The following RPE variants were observed in gnomAD, a reference collection of about 807,000 sequenced individuals.
The protein encoded by RPE is ribulose-5-phosphate-3-epimerase, also known as ribulose-phosphate 3-epimerase.
A neutral mutation model predicts 24.6 loss-of-function variants in RPE; 16 were observed. The observed-to-expected ratio is 0.65, with a 90% confidence interval of 0.44 to 0.99. The LOEUF (loss-of-function observed/expected upper bound fraction) is 0.99, where lower values mean the gene tolerates loss of function less well. Ranked by LOEUF, RPE falls within the 50% of genes least tolerant of loss-of-function variation. RPE has a pLI of 0.00. For synonymous variants in RPE, 93 were observed against 98.4 expected, an observed-to-expected ratio of 0.94 and a Z score of 0.33; for missense variants, 240 against 294.5, an observed-to-expected ratio of 0.81 and a Z score of 1.35.
In RPE at chr2:210,009,985, AGAGAGG is replaced by A. The variant is rs2093679755; in HGVS notation, c.202+250_202+255del. On this transcript the variant is annotated intron_variant, in intron 2 of 5. Coordinates refer to ENST00000359429, the MANE Select transcript of RPE (RefSeq NM_199229.3). Reference sequence around the variant, plus strand: ...GCCTCAAGTCATTTGTCATTTCCTCAGAGAGGCCTTTTTGAGCGTCCTCTCCCAAAT... The same window carrying A: ...GCCTCAAGTCATTTGTCATTTCCTCACCTTTTTGAGCGTCCTCTCCCAAAT... Among the ~76,000 whole-genome samples the A allele has an allele frequency of 6.6e-5, 10 of 152,162 alleles. No individual in the cohort carries two copies. The South Asian group carries it at 1.9e-3, about 28-fold the overall frequency.
chr2:210,018,355 A>G (rs1257621380), intron 5 of RPE: 10 of 1,381,174 alleles, frequency 7.2e-6, no homozygotes, highest in Non-Finnish European at 8.4e-6. Flanking sequence ...TAGGCCTGAT[A>G]CCTCTTTGGC....
rs569068329 is a variant in RPE, at chr2:210,003,378, C to T, written c.122+595C>T. On this transcript the variant is annotated intron_variant, in intron 1 of 5. Coordinates refer to ENST00000359429, the MANE Select transcript of RPE (RefSeq NM_199229.3). ...CAGTGCCTGGCGTATATTAAGTTCTCTATAATTGTTAATTACATCATTATT... is the reference window on the plus strand; with the variant it reads ...CAGTGCCTGGCGTATATTAAGTTCTTTATAATTGTTAATTACATCATTATT... 2.8e-4 allele frequency: 294 copies of T among 1,036,100 alleles called. 1 individual carries two copies. Among genetic ancestry groups the T allele is most frequent in the Non-Finnish European group, 3.3e-5 (25 of 759,010 alleles). 64.2% of individuals were successfully genotyped at this position (1,036,100 alleles called of 1,614,324 possible).
intron 2 of RPE, among the ~76,000 whole-genome samples, chr2:210,013,336 G>C (rs2093726459): frequency 7.1e-6 from 1 of 140,576 alleles, no homozygotes; most frequent in East Asian, 2.0e-4. Flanking sequence ...TTTTGAGACA[G>C]TCTTGCTCTG....
chr2:210,005,093 A>G (rs1362467314), intron 1 of RPE, among the ~76,000 whole-genome samples: 7 of 151,808 alleles, frequency 4.6e-5, no homozygotes, highest in Non-Finnish European at 1.5e-5. Flanking sequence ...CTGATGTCTC[A>G]CCAGATTCAG....
At chr2:210,011,977 C>T (rs1310939978) in intron 2 of RPE, among the ~76,000 whole-genome samples, 3 of 151,890 alleles carry the variant, frequency 2.0e-5, no homozygotes, top group East Asian at 1.9e-4. Flanking sequence ...TCACTGAGCC[C>T]GACTACCTTT....
At chr2:210,015,366 G>C (rs905695467) in intron 2 of RPE, among the ~76,000 whole-genome samples, 1 of 152,152 alleles carries the variant, frequency 6.6e-6, no homozygotes, top group Non-Finnish European at 1.5e-5. Flanking sequence ...AATGCTGAAG[G>C]GTTTCTCCTC....
At chr2:210,003,779 A>G (rs1400436818) in intron 1 of RPE, among the ~76,000 whole-genome samples, 2 of 152,088 alleles carry the variant, frequency 1.3e-5, no homozygotes, top group East Asian at 1.9e-4. Context: ...AATTGGTGTT[A>G]TTTTCTAAAG....
intron 1 of RPE, among the ~76,000 whole-genome samples, chr2:210,009,219 AAGTTTAAAGAAAC>A (rs980183353): frequency 4.0e-4 from 61 of 152,322 alleles, no homozygotes; most frequent in African/African-American, 1.4e-3. Flanking sequence ...ATCTTTAAGA[AAGTTTAAAGAAAC>A]TGTCATTTAG....
At chr2:210,018,254 A>T in intron 5 of RPE, 1 of 1,514,152 alleles carries the variant, frequency 6.6e-7, no homozygotes, top group South Asian at 1.3e-5. Context: ...GATAAATCTA[A>T]TTGACCTAAT....
intron 2 of RPE, among the ~76,000 whole-genome samples, chr2:210,009,992 C>A (rs537453699): frequency 6.6e-6 from 1 of 152,174 alleles, no homozygotes; most frequent in Non-Finnish European, 1.5e-5. Flanking sequence ...CTCAGAGAGG[C>A]CTTTTTGAGC....
intron 5 of RPE, 128 bp downstream of exon 5, chr2:210,017,687 T>G (rs2093793414): frequency 1.2e-6 from 1 of 804,470 alleles, no homozygotes; most frequent in Non-Finnish European, 2.0e-6. Context: ...AAGTATTTTT[T>G]GTTCACATGT....
chr2:210,003,441 C>T (rs980040209), intron 1 of RPE: 2 of 1,287,652 alleles, frequency 1.6e-6, no homozygotes, highest in Non-Finnish European at 2.0e-6. Flanking sequence ...TCTTCAGGCA[C>T]CCTGCTCTTC....
intron 2 of RPE, among the ~76,000 whole-genome samples, chr2:210,013,255 C>G (rs542181135): frequency 6.6e-6 from 1 of 151,042 alleles, no homozygotes; most frequent in South Asian, 2.1e-4. Context: ...ACACTGAAAA[C>G]TTGCAAAAAT....
intron 5 of RPE, chr2:210,018,395 A>G (rs1005245977): frequency 1.0e-6 from 1 of 978,420 alleles, no homozygotes; most frequent in African/African-American, 1.8e-5. Context: ...ACTTTTTTTT[A>G]CTTTTTTTTT....
At position 210,002,713 on chromosome 2, in the gene RPE, A is replaced by C. The variant is rs2093576569; in HGVS notation, c.52A>C (p.Asn18His). The C allele has an allele frequency of 6.2e-7, 1 of 1,613,992 alleles. No individual in the cohort carries two copies. The highest frequency in any genetic ancestry group is 1.1e-5 in the South Asian group (1 of 91,094). ...GPSILNSDLA[N>H]LGAECLRMLD... is the part of the protein sequence containing the mutation. Reference sequence around the variant, plus strand: ...GTCCATCCTCAACAGCGACCTGGCCAATTTAGGGGCCGAGTGCCTCCGGAT... The same window carrying C: ...GTCCATCCTCAACAGCGACCTGGCCCATTTAGGGGCCGAGTGCCTCCGGAT... Residue 18 changes from asparagine to histidine, a missense_variant, in exon 1 of 6, where the codon AAT becomes CAT. Physicochemically the swap from Asn to His is moderately conservative, Grantham distance 68. Coordinates refer to ENST00000359429, the MANE Select transcript of RPE (RefSeq NM_199229.3).
At chr2:210,016,189 C>T (rs752486627) in intron 3 of RPE, 77 bp downstream of exon 3, 24 of 1,613,406 alleles carry the variant, frequency 1.5e-5, no homozygotes, top group Non-Finnish European at 1.8e-5. Flanking sequence ...GAAATTTTCT[C>T]TTTTTTTGAT....
chr2:210,008,758 C>T (rs1050257033), intron 1 of RPE, among the ~76,000 whole-genome samples: 2 of 152,018 alleles, frequency 1.3e-5, no homozygotes, highest in African/African-American at 2.4e-5. Flanking sequence ...TACAGTGGCA[C>T]GATCTTGGCT....
rs1485586904 is a variant in RPE, at chr2:210,009,850, C to T, written c.202+114C>T. 11 of 1,418,670 alleles carry T rather than the reference C, an allele frequency of 7.8e-6. No homozygotes were observed. The Admixed American group carries it at 1.9e-4, about 24-fold the overall frequency. The allele number at this position is 1,418,670 out of a possible 1,614,324, so 87.9% of individuals were successfully genotyped here. A position where few individuals can be genotyped will look rare whatever the true frequency, so the allele number is the denominator to read the frequency against. On this transcript the variant is annotated intron_variant, in intron 2 of 5. Coordinates refer to ENST00000359429, the MANE Select transcript of RPE (RefSeq NM_199229.3). The stretch of plus-strand genomic sequence containing the variant: ...GCACCCTTTCCCCAACTTTCCTATC[C>T]TGGGTCTTCATTGGCCTGACTCCAG...
chr2:210,009,441 A>C (rs2093672822), intron 1 of RPE, among the ~76,000 whole-genome samples: 1 of 152,194 alleles, frequency 6.6e-6, no homozygotes, highest in South Asian at 2.1e-4. Flanking sequence ...ATCATTATGA[A>C]AATATATGTG....
Sources: gnomAD v4.1 joint callset for allele counts (sites outside exome capture counted in the v4.1 genomes callset) on GRCh38, gnomAD v4.1.1 for gene constraint, MANE v1.5 for transcripts, NCBI Gene and HGNC (gene_info 2026-07-23, HGNC 2026-07-21) for gene names.